LY96: variants seen among roughly 807,000 people sequenced by gnomAD.
LY96 encodes the protein myeloid differentiation protein-2.
In LY96, 18 loss-of-function variants were observed where a neutral mutation model predicts 18.9. The ratio of observed to expected loss-of-function variants is 0.95; its 90% confidence interval spans 0.66 to 1.41. The LOEUF (loss-of-function observed/expected upper bound fraction) is 1.41. LY96 is among the 40% of genes most tolerant of loss of function. The pLI is 0.00. For synonymous variants in LY96, 66 were observed against 62.6 expected, an observed-to-expected ratio of 1.06 and a Z score of -0.26; for missense variants, 175 against 182.4, an observed-to-expected ratio of 0.96 and a Z score of 0.23.
chr8:74,069,706 G>A, the LY96 span, among the ~76,000 whole-genome samples: 7 of 152,066 alleles, frequency 4.6e-5, no homozygotes, highest in South Asian at 2.1e-4. Flanking sequence ...GGATTCAAGC[G>A]ATTCTCCCCT....
chr8:74,075,546 T>C, the LY96 span, among the ~76,000 whole-genome samples: 4 of 152,234 alleles, frequency 2.6e-5, no homozygotes, highest in African/African-American at 4.8e-5. Flanking sequence ...GTTGGGATTA[T>C]AGGCATGAAC....
chr8:74,035,221 A>G, the LY96 span, among the ~76,000 whole-genome samples: 5 of 152,058 alleles, frequency 3.3e-5, no homozygotes, highest in African/African-American at 9.6e-5. Flanking sequence ...TTATGTAAAA[A>G]CTTTTTTTTT....
the LY96 span, among the ~76,000 whole-genome samples, chr8:74,068,016 G>A: frequency 6.8e-5 from 9 of 133,150 alleles, no homozygotes; most frequent in South Asian, 2.4e-4. Flanking sequence ...AGCCAAGATC[G>A]TGCCATTGCA....
At chr8:74,090,925 G>A in the LY96 span, among the ~76,000 whole-genome samples, 1 of 152,222 alleles carries the variant, frequency 6.6e-6, no homozygotes, top group Non-Finnish European at 1.5e-5. Flanking sequence ...GTGCCCGCAT[G>A]CTGCAGATGC....
At chr8:73,992,971 C>A (rs1480047789) in intron 1 of LY96, among the ~76,000 whole-genome samples, 1 of 151,844 alleles carries the variant, frequency 6.6e-6, no homozygotes, top group Admixed American at 6.6e-5. Flanking sequence ...TCCCATGCCT[C>A]AGCCTCCTGA....
chr8:74,060,637 T>C, the LY96 span, among the ~76,000 whole-genome samples: 1 of 152,318 alleles, frequency 6.6e-6, no homozygotes, highest in Middle Eastern at 3.4e-3. Context: ...CCTTGACCCT[T>C]GCGTACTGCA....
At chr8:73,992,303 G>T (rs1176560695) in intron 1 of LY96, among the ~76,000 whole-genome samples, 1 of 152,106 alleles carries the variant, frequency 6.6e-6, no homozygotes, top group African/African-American at 2.4e-5. Flanking sequence ...TTTCCACCGT[G>T]CTGCTTACCA....
At chr8:74,052,391 C>A in the LY96 span, 1 of 152,216 alleles carries the variant, frequency 6.6e-6, no homozygotes, top group African/African-American at 2.4e-5. Context: ...GCCCGTTGGC[C>A]TTGTCTAGGC....
chr8:73,996,464 T>C (rs948515565), intron 1 of LY96, among the ~76,000 whole-genome samples: 4 of 145,850 alleles, frequency 2.7e-5, no homozygotes, highest in Non-Finnish European at 6.1e-5. Context: ...TCTTGCTGTG[T>C]CACTGAGGCT....
At chr8:74,041,740 C>T in the LY96 span, among the ~76,000 whole-genome samples, 2 of 152,158 alleles carry the variant, frequency 1.3e-5, no homozygotes, top group Non-Finnish European at 2.9e-5. Context: ...GAGGTCAGAC[C>T]GGTTCTCTGC....
At chr8:74,073,411 T>C in the LY96 span, among the ~76,000 whole-genome samples, 1 of 152,178 alleles carries the variant, frequency 6.6e-6, no homozygotes. Context: ...GTCCACACAA[T>C]AGCCTGTGAA....
chr8:74,027,316 T>G (rs1034613858), intron 4 of LY96, among the ~76,000 whole-genome samples: 2 of 151,550 alleles, frequency 1.3e-5, no homozygotes, highest in African/African-American at 4.8e-5. Flanking sequence ...ATTAGCTTTT[T>G]TTTTTTTTTT....
the LY96 span, among the ~76,000 whole-genome samples, chr8:74,080,984 C>T: frequency 9.4e-3 from 990 of 105,060 alleles, 31 homozygotes; most frequent in African/African-American, 0.037. Context: ...TTCTTTCTCT[C>T]TCTTTCTTTC....
the LY96 span, among the ~76,000 whole-genome samples, chr8:74,041,484 T>C: frequency 2.0e-5 from 3 of 152,338 alleles, no homozygotes; most frequent in East Asian, 1.9e-4. Flanking sequence ...CATATTTTTC[T>C]TCTTGGAGAG....
chr8:74,075,960 C>T, the LY96 span, among the ~76,000 whole-genome samples: 3 of 152,126 alleles, frequency 2.0e-5, no homozygotes, highest in Non-Finnish European at 4.4e-5. Flanking sequence ...AGACCTGTTG[C>T]GACGCAGTCC....
At chr8:74,091,104 G>A in the LY96 span, among the ~76,000 whole-genome samples, 1 of 53,796 alleles carries the variant, frequency 1.9e-5, no homozygotes, top group Non-Finnish European at 5.0e-5. Flanking sequence ...TGTACAGAAA[G>A]GAGTGGCATG....
chr8:74,078,121 A>AG, the LY96 span, among the ~76,000 whole-genome samples: 2 of 152,130 alleles, frequency 1.3e-5, no homozygotes, highest in Non-Finnish European at 2.9e-5. Context: ...AAAAAAAAAA[A>AG]AAAAAGAATT....
chr8:74,062,491 C>T, the LY96 span, among the ~76,000 whole-genome samples: 10 of 151,830 alleles, frequency 6.6e-5, no homozygotes, highest in African/African-American at 1.7e-4. Flanking sequence ...TGAGAACATG[C>T]GGTCTTTGGT....
At chr8:74,081,066 TAC>T in the LY96 span, among the ~76,000 whole-genome samples, 1 of 119,702 alleles carries the variant, frequency 8.4e-6, no homozygotes, top group South Asian at 2.5e-4. Flanking sequence ...CTTTCTTTCT[TAC>T]TTTCTTTCTT....
Sources: gnomAD v4.1 joint callset for allele counts (sites outside exome capture counted in the v4.1 genomes callset) on GRCh38, gnomAD v4.1.1 for gene constraint, MANE v1.5 for transcripts, NCBI Gene and HGNC (gene_info 2026-07-23, HGNC 2026-07-21) for gene names.